The following GRM3 variants were observed in gnomAD, a reference collection of about 807,000 sequenced individuals.
The protein encoded by GRM3 is metabotropic glutamate receptor 3.
GRM3 carries 26 observed loss-of-function variants against 70.5 expected under a neutral mutation model. The ratio of observed to expected loss-of-function variants is 0.37; its 90% CI spans 0.27 to 0.51. The LOEUF (loss-of-function observed/expected upper bound fraction) is 0.51. Among genes scored for constraint, GRM3 ranks in the 20% least tolerant of loss-of-function variants. GRM3 has a pLI of 0.93. For synonymous variants in GRM3, 443 were observed against 434.9 expected (o/e 1.02, Z -0.23); for missense variants, 859 against 1,123.8 (o/e 0.76, Z 3.37).
chr7:86,774,134 T>C (rs1346849701), intron 2 of GRM3, among the ~76,000 whole-genome samples: 1 of 152,162 alleles, frequency 6.6e-6, no homozygotes, highest in Non-Finnish European at 1.5e-5. Context: ...TGACACAAAG[T>C]TCTCTTTCCA....
chr7:86,774,437 G>A (rs1326594309), intron 2 of GRM3, among the ~76,000 whole-genome samples: 8 of 152,070 alleles, frequency 5.3e-5, no homozygotes, highest in Admixed American at 5.2e-4. Context: ...AAAGTGTAGT[G>A]TGACTATTTT....
At chr7:86,735,307 C>G (rs1795833230) in intron 1 of GRM3, among the ~76,000 whole-genome samples, 2 of 152,082 alleles carry the variant, frequency 1.3e-5, no homozygotes. Flanking sequence ...AACATTTGTT[C>G]TAGACCTCAC....
At chr7:86,811,841 TC>T (rs1797914249) in intron 3 of GRM3, among the ~76,000 whole-genome samples, 1 of 151,666 alleles carries the variant, frequency 6.6e-6, no homozygotes, top group Non-Finnish European at 1.5e-5. Context: ...TTTCTTCTCT[TC>T]CCCTTCCTCA....
intron 1 of GRM3, among the ~76,000 whole-genome samples, chr7:86,713,631 T>C (rs541088785): frequency 2.0e-4 from 31 of 152,098 alleles, no homozygotes; most frequent in African/African-American, 6.7e-4. Context: ...TTCCCTGTTC[T>C]TGTAGGATGC....
intron 3 of GRM3, among the ~76,000 whole-genome samples, chr7:86,787,380 T>G (rs751617514): frequency 3.9e-5 from 6 of 152,172 alleles, no homozygotes; most frequent in Admixed American, 2.0e-4. Flanking sequence ...CTCCCTAGAT[T>G]AGGGCCAGGC....
At chr7:86,748,528 C>T (rs1464718821) in intron 1 of GRM3, among the ~76,000 whole-genome samples, 1 of 61,052 alleles carries the variant, frequency 1.6e-5, no homozygotes, top group Non-Finnish European at 2.9e-5. Context: ...ATAGAAATAC[C>T]TGAATAATCC....
intron 1 of GRM3, among the ~76,000 whole-genome samples, chr7:86,695,113 A>G (rs907957011): frequency 2.0e-5 from 3 of 152,180 alleles, no homozygotes; most frequent in Non-Finnish European, 4.4e-5. Flanking sequence ...TACTTCAATT[A>G]CCTTCCTGAT....
At chr7:86,666,583 G>A (rs1477299438) in intron 1 of GRM3, among the ~76,000 whole-genome samples, 2 of 151,852 alleles carry the variant, frequency 1.3e-5, no homozygotes, top group Non-Finnish European at 2.9e-5. Context: ...TTTTGTTATT[G>A]TTTATTTGTT....
intron 3 of GRM3, among the ~76,000 whole-genome samples, chr7:86,791,314 T>C (rs1180355686): frequency 1.3e-5 from 2 of 152,248 alleles, no homozygotes; most frequent in Non-Finnish European, 2.9e-5. Flanking sequence ...AAAATTTTAA[T>C]ATATAAATTT....
intron 1 of GRM3, among the ~76,000 whole-genome samples, chr7:86,723,709 C>G (rs1202000995): frequency 6.6e-6 from 1 of 152,148 alleles, no homozygotes; most frequent in African/African-American, 2.4e-5. Context: ...CTTAACAAAA[C>G]TGATTACAAA....
At chr7:86,758,045 G>A (rs1367734963) in intron 1 of GRM3, among the ~76,000 whole-genome samples, 1 of 152,096 alleles carries the variant, frequency 6.6e-6, no homozygotes, top group Non-Finnish European at 1.5e-5. Context: ...ATTTATTACT[G>A]CTGACTACCA....
Position 86,660,652 on chromosome 7 carries a change from T to C in GRM3, c.-141+15780T>C, listed in dbSNP as rs1434616613. On this transcript the variant is annotated intron_variant, in intron 1 of 5. Coordinates refer to ENST00000361669, the MANE Select transcript of GRM3 (RefSeq NM_000840.3). ...GGATTCATTAGTTGATAAAAAGCAC[T>C]TAGTAAAAATTATATCTATTTTGAA... 7.2e-5 allele frequency among the ~76,000 whole-genome samples: 7 copies of C among 96,910 alleles called. No homozygotes were observed. In the Admixed American group the frequency reaches 7.7e-4, roughly 11 times the overall value. The allele number at this position is 96,910 out of a possible 152,430, so 63.6% of individuals were successfully genotyped here.
chr7:86,851,557 C>T (rs1357156633), intron 5 of GRM3, among the ~76,000 whole-genome samples: 2 of 152,076 alleles, frequency 1.3e-5, no homozygotes, highest in Non-Finnish European at 2.9e-5. Flanking sequence ...ACAATTTTGC[C>T]TCGAGTTGAT....
chr7:86,718,463 C>A (rs189129235), intron 1 of GRM3, among the ~76,000 whole-genome samples: 1 of 151,936 alleles, frequency 6.6e-6, no homozygotes, highest in Admixed American at 6.6e-5. Context: ...GATACTCTGC[C>A]TTTTCTTGGT....
At chr7:86,695,016 G>A (rs1794782837) in intron 1 of GRM3, among the ~76,000 whole-genome samples, 1 of 152,272 alleles carries the variant, frequency 6.6e-6, no homozygotes, top group Non-Finnish European at 1.5e-5. Context: ...TGCAATAGTG[G>A]TTTGTACCAA....
At chr7:86,781,881 G>A (rs898766932) in intron 2 of GRM3, among the ~76,000 whole-genome samples, 3 of 152,042 alleles carry the variant, frequency 2.0e-5, no homozygotes, top group Non-Finnish European at 1.5e-5. Flanking sequence ...ACGTTTAACT[G>A]TATTATCCAA....
chr7:86,710,479 T>C (rs1795168549), intron 1 of GRM3, among the ~76,000 whole-genome samples: 2 of 149,264 alleles, frequency 1.3e-5, no homozygotes, highest in Non-Finnish European at 3.0e-5. Flanking sequence ...AAAAAACTTG[T>C]ATAAAATAAC....
intron 4 of GRM3, among the ~76,000 whole-genome samples, chr7:86,849,202 A>C (rs1430941178): frequency 6.6e-6 from 1 of 152,178 alleles, no homozygotes; most frequent in Non-Finnish European, 1.5e-5. Context: ...GTAGAAAACA[A>C]ATTGTCCCAG....
intron 1 of GRM3, among the ~76,000 whole-genome samples, chr7:86,669,232 A>G (rs964412658): frequency 3.3e-5 from 5 of 152,174 alleles, no homozygotes; most frequent in African/African-American, 7.2e-5. Context: ...CCCCACTCCA[A>G]TTAAATCAGA....
Sources: allele counts gnomAD v4.1 joint callset (sites outside exome capture counted in the v4.1 genomes callset), GRCh38; gene constraint gnomAD v4.1.1; transcripts MANE v1.5; gene names NCBI Gene and HGNC (gene_info 2026-07-23, HGNC 2026-07-21).